RPN1: variants seen among roughly 807,000 people sequenced by gnomAD.
The protein encoded by RPN1 is ribophorin I, also known as dolichyl-diphosphooligosaccharide--protein glycosyltransferase subunit 1.
In RPN1, 12 loss-of-function variants were observed where a neutral mutation model predicts 55.5. The ratio of observed to expected loss-of-function variants is 0.22; its 90% CI spans 0.14 to 0.35. The LOEUF (loss-of-function observed/expected upper bound fraction) is 0.35, where lower values mean the gene tolerates loss of function less well. RPN1 is among the 10% of genes least tolerant of loss of function. The pLI, the probability that RPN1 is intolerant of heterozygous loss-of-function variation, is 1.00. For missense variants in RPN1, 679 were observed against 761.3 expected, an observed-to-expected ratio of 0.89 and a Z score of 1.27; for synonymous variants, 317 against 305.9, an observed-to-expected ratio of 1.04 and a Z score of -0.38.
At chr3:128,631,145 G>A (rs1415548198) in intron 4 of RPN1, among the ~76,000 whole-genome samples, 2 of 150,392 alleles carry the variant, frequency 1.3e-5, no homozygotes, top group East Asian at 2.0e-4. Flanking sequence ...TTTAGGCTGG[G>A]CATGGTGGCT....
chr3:128,630,121 T>C lies in RPN1; in HGVS notation c.866A>G (p.Gln289Arg). 6.2e-7 allele frequency: 1 copy of C among 1,613,324 alleles called. No individual in the cohort carries two copies. Among genetic ancestry groups the C allele is most frequent in the Non-Finnish European group, 8.5e-7 (1 of 1,179,476 alleles). The change falls in exon 5 of 10, where the codon CAG becomes CGG. Residue 289 changes from glutamine (Q) to arginine (R), a missense_variant. By Grantham distance (43) the Gln-to-Arg change is conservative. Around this residue, in one of 3 missense-constraint regions of RPN1, gnomAD observed 21 missense variants for 48.6 expected, o/e 0.43. Transcript: ENST00000296255. The stretch of plus-strand genomic sequence containing the variant: ...AATCTCATCCCGGTAATAAACATCC[T>C]GGGCAGCAGCAGGAAGGATGGTCTG... The part of the protein sequence containing the change: ...SFKTILPAAA[Q>R]DVYYRDEIGN...
At chr3:128,629,769 A>T (rs751412831) in intron 5 of RPN1, among the ~76,000 whole-genome samples, 182 bp downstream of exon 5, 9 of 152,192 alleles carry the variant, frequency 5.9e-5, no homozygotes, top group African/African-American at 2.2e-4. Context: ...TTGACTATCA[A>T]ATGCATGTAT....
intron 3 of RPN1, among the ~76,000 whole-genome samples, chr3:128,632,638 A>T (rs1234028954): frequency 6.6e-6 from 1 of 152,184 alleles, no homozygotes; most frequent in Admixed American, 6.5e-5. Context: ...TCTGTCACCC[A>T]GGCTGGAGTA....
At chr3:128,637,492 A>G (rs560211098) in intron 3 of RPN1, among the ~76,000 whole-genome samples, 8 of 152,134 alleles carry the variant, frequency 5.3e-5, no homozygotes, top group Non-Finnish European at 1.2e-4. Flanking sequence ...CTACCCCAGT[A>G]TCTGCCCAGC....
At chr3:128,649,646 T>TA (rs1212323968) in intron 1 of RPN1, among the ~76,000 whole-genome samples, 1 of 152,210 alleles carries the variant, frequency 6.6e-6, no homozygotes, top group African/African-American at 2.4e-5. Context: ...ACAACAATAG[T>TA]AATAAAAACC....
chr3:128,650,343 C>G (rs899381100), intron 1 of RPN1, among the ~76,000 whole-genome samples, 197 bp downstream of exon 1: 24 of 152,116 alleles, frequency 1.6e-4, no homozygotes, highest in Non-Finnish European at 2.4e-4. Context: ...CCGGGGGCAG[C>G]GGAGGCGCCG....
chr3:128,650,144 G>C (rs2069805125), intron 1 of RPN1, among the ~76,000 whole-genome samples: 2 of 152,228 alleles, frequency 1.3e-5, no homozygotes, highest in African/African-American at 4.8e-5. Context: ...AGGGGCTGCC[G>C]CGCTCGCCTT....
intron 2 of RPN1, among the ~76,000 whole-genome samples, chr3:128,641,328 G>C (rs865933973): frequency 6.6e-6 from 1 of 152,220 alleles, no homozygotes; most frequent in African/African-American, 2.4e-5. Flanking sequence ...GTTCCCAACT[G>C]TGGGCTTTAA....
chr3:128,623,425 C>CTG (rs1280856809), intron 8 of RPN1, among the ~76,000 whole-genome samples: 4 of 152,176 alleles, frequency 2.6e-5, no homozygotes, highest in Non-Finnish European at 4.4e-5. Context: ...GTAGTCCCAG[C>CTG]TACTCAGGGA....
chr3:128,650,693 C>A lies in RPN1; in HGVS notation c.108G>T (p.Val36=). Residue 36 remains valine (V), a synonymous_variant, in exon 1 of 10, where the codon GTG becomes GTT. Transcript: ENST00000296255. The part of the protein sequence containing the change: ...SEAPPLINED[V]KRTVDLSSHL... Reference sequence around the variant, plus strand: ...GGCTGCTTAGGTCCACTGTGCGCTTCACGTCCTCATTGATCAGCGGCGGTG... The same window carrying A: ...GGCTGCTTAGGTCCACTGTGCGCTTAACGTCCTCATTGATCAGCGGCGGTG... 1 of 1,571,844 alleles carries A rather than the reference C, an allele frequency of 6.4e-7. No individual in the cohort carries two copies. The highest frequency in any genetic ancestry group is 1.3e-5 in the African/African-American group (1 of 74,274).
intron 9 of RPN1, 106 bp from the exon 10 acceptor site, chr3:128,620,699 A>G (rs2069552660): frequency 1.7e-6 from 2 of 1,205,436 alleles, no homozygotes. Context: ...CACAGGTATC[A>G]GCCACAAATG....
chr3:128,640,042 G>A (rs1018435692), intron 2 of RPN1, among the ~76,000 whole-genome samples: 4 of 152,056 alleles, frequency 2.6e-5, no homozygotes, highest in Admixed American at 2.6e-4. Flanking sequence ...CGTGGTGGCA[G>A]GCGCCTGTAG....
intron 3 of RPN1, among the ~76,000 whole-genome samples, chr3:128,635,644 T>TAG (rs1559755834): frequency 2.6e-5 from 2 of 76,344 alleles, no homozygotes; most frequent in African/African-American, 1.0e-4. Flanking sequence ...TATATAGATA[T>TAG]ATATATATAT....
At chr3:128,632,440 C>T (rs553646054) in intron 3 of RPN1, among the ~76,000 whole-genome samples, 14 of 152,250 alleles carry the variant, frequency 9.2e-5, no homozygotes, top group Non-Finnish European at 1.5e-4. Flanking sequence ...TAAATAAGTG[C>T]ATTATCTCAT....
chr3:128,631,841 C>T (rs4857914), intron 4 of RPN1, 107 bp downstream of exon 4: 422,926 of 1,179,974 alleles, frequency 0.36, 76,731 homozygotes, highest in East Asian at 0.39. Context: ...GAACATCAGT[C>T]AACCCTAAAC....
chr3:128,638,826 C>T (rs1392696610), intron 2 of RPN1, among the ~76,000 whole-genome samples: 1 of 152,000 alleles, frequency 6.6e-6, no homozygotes, highest in East Asian at 1.9e-4. Flanking sequence ...ATTAGCTGGG[C>T]GTGGTGGTGC....
At chr3:128,646,177 C>T (rs566986829) in intron 1 of RPN1, among the ~76,000 whole-genome samples, 1 of 137,994 alleles carries the variant, frequency 7.2e-6, no homozygotes, top group East Asian at 2.2e-4. Flanking sequence ...GAGCTGAGAT[C>T]GTGCCATTGC....
rs1273061151 is a variant in RPN1, at chr3:128,635,625, A to ATC, written c.633+2173_633+2174insGA. On this transcript the variant is annotated intron_variant, in intron 3 of 9. Coordinates refer to ENST00000296255, the MANE Select transcript of RPN1 (RefSeq NM_002950.4). ...CCTATAACTTGAGATATATATATAT[A>ATC]TATATATATATATAGATATATATAT... Among the ~76,000 whole-genome samples the ATC allele has an allele frequency of 7.0e-3, 207 of 29,744 alleles. 3 individuals are homozygous for ATC. Among genetic ancestry groups the ATC allele is most frequent in the African/African-American group, 0.038 (200 of 5,236 alleles). The allele number at this position is 29,744 out of a possible 152,430, so 19.5% of individuals were successfully genotyped here. A position where few individuals can be genotyped will look rare whatever the true frequency, so the allele number is the denominator to read the frequency against.
chr3:128,642,936 G>A (rs112480243), intron 2 of RPN1, among the ~76,000 whole-genome samples: 3 of 151,876 alleles, frequency 2.0e-5, no homozygotes, highest in African/African-American at 7.3e-5. Flanking sequence ...AGAATCGCTT[G>A]AACCCCAGAG....
Sources: allele counts gnomAD v4.1 joint callset (sites outside exome capture counted in the v4.1 genomes callset), GRCh38; gene constraint gnomAD v4.1.1; regional missense constraint gnomAD v4.1.1; transcripts MANE v1.5; gene names NCBI Gene and HGNC (gene_info 2026-07-23, HGNC 2026-07-21).